SLC24A3: variants seen among roughly 807,000 people sequenced by gnomAD.
The protein encoded by SLC24A3 is solute carrier family 24 member 3.
SLC24A3 carries 28 observed loss-of-function variants against 75.8 expected under a neutral mutation model. The ratio of observed to expected loss-of-function variants is 0.37; its 90% CI spans 0.27 to 0.51. SLC24A3 has a LOEUF of 0.51. Among genes scored for constraint, SLC24A3 ranks in the 20% least tolerant of loss-of-function variants. The pLI is 0.94. For missense variants in SLC24A3, 663 were observed against 847.8 expected (o/e 0.78, Z 2.71); for synonymous variants, 372 against 334.1 (o/e 1.11, Z -1.24).
intron 2 of SLC24A3, among the ~76,000 whole-genome samples, chr20:19,381,150 ATATT>A (rs920496386): frequency 5.3e-5 from 8 of 152,328 alleles, no homozygotes; most frequent in African/African-American, 1.9e-4. Flanking sequence ...ATCTTTTAAA[ATATT>A]TATTCATTTA....
intron 2 of SLC24A3, among the ~76,000 whole-genome samples, chr20:19,403,082 C>T (rs1264919198): frequency 2.0e-5 from 3 of 152,154 alleles, no homozygotes; most frequent in Non-Finnish European, 4.4e-5. Context: ...TGTGAGATGT[C>T]GTGAAGGAGC....
intron 2 of SLC24A3, among the ~76,000 whole-genome samples, chr20:19,418,906 A>T (rs529451486): frequency 1.3e-5 from 2 of 152,314 alleles, no homozygotes; most frequent in Admixed American, 1.3e-4. Flanking sequence ...TGATTTGAGC[A>T]TCACTTAGAA....
chr20:19,351,383 G>C (rs939831568), intron 2 of SLC24A3, among the ~76,000 whole-genome samples: 5 of 152,162 alleles, frequency 3.3e-5, no homozygotes, highest in African/African-American at 1.2e-4. Context: ...GGGCTTAGCT[G>C]CTTTTCTCTA....
intron 2 of SLC24A3, among the ~76,000 whole-genome samples, chr20:19,506,509 A>G (rs1353839351): frequency 6.6e-6 from 1 of 152,214 alleles, no homozygotes; most frequent in African/African-American, 2.4e-5. Flanking sequence ...GTTGGACCCT[A>G]GTTTGATCTC....
intron 2 of SLC24A3, among the ~76,000 whole-genome samples, chr20:19,286,622 T>G (rs1431951514): frequency 6.6e-6 from 1 of 152,222 alleles, no homozygotes; most frequent in Non-Finnish European, 1.5e-5. Context: ...CCAACACCCG[T>G]GCAGTGCTCA....
chr20:19,421,906 C>T (rs1225303368), intron 2 of SLC24A3, among the ~76,000 whole-genome samples: 1 of 152,152 alleles, frequency 6.6e-6, no homozygotes, highest in Non-Finnish European at 1.5e-5. Context: ...CCAGGGAACT[C>T]TTCGCACCTG....
intron 6 of SLC24A3, among the ~76,000 whole-genome samples, chr20:19,644,214 A>G (rs1469112236): frequency 6.6e-6 from 1 of 152,094 alleles, no homozygotes; most frequent in Non-Finnish European, 1.5e-5. Flanking sequence ...TCGCGTCCAG[A>G]TCCCACTTCT....
Position 19,721,221 on chromosome 20 carries a change from C to T in SLC24A3, c.*81C>T. On this transcript the variant is annotated 3_prime_UTR_variant, in exon 17 of 17. Transcript: ENST00000328041. ...GGCCGCACCCCGAGTCACACAGGCC[C>T]CCGGGGCCACGGCGTTCGTCTCTCC... is the stretch of plus-strand genomic sequence containing the variant. 1.3e-6 allele frequency: 2 copies of T among 1,558,870 alleles called. No individual in the cohort carries two copies. Among genetic ancestry groups the T allele is most frequent in the South Asian group, 2.4e-5 (2 of 83,664 alleles).
chr20:19,494,186 T>G (rs1988248088), intron 2 of SLC24A3, among the ~76,000 whole-genome samples: 1 of 152,224 alleles, frequency 6.6e-6, no homozygotes, highest in African/African-American at 2.4e-5. Flanking sequence ...ACTTAGACCC[T>G]GGGTTTGCCC....
rs760255085 is a variant in SLC24A3 at position 19,212,907 on chromosome 20, T to A, written c.65T>A (p.Leu22His). 7.4e-7 allele frequency: 1 copy of A among 1,343,704 alleles called. No homozygotes were observed. The highest frequency in any genetic ancestry group is 9.6e-7 in the Non-Finnish European group (1 of 1,043,302). The allele number at this position is 1,343,704 out of a possible 1,614,324, so 83.2% of individuals were successfully genotyped here. ...RRRRRRRRRD[L>H]LLSQLCFLAS... Reference sequence around the variant, plus strand: ...CGCCGCCGCCGCCGCCGGAGGGACCTTCTGCTGAGCCAGCTCTGCTTCCTG... The same window carrying A: ...CGCCGCCGCCGCCGCCGGAGGGACCATCTGCTGAGCCAGCTCTGCTTCCTG... Residue 22 changes from leucine to histidine, a missense_variant, in exon 1 of 17, where the codon CTT becomes CAT. Coordinates refer to ENST00000328041, the MANE Select transcript of SLC24A3 (RefSeq NM_020689.4).
intron 2 of SLC24A3, among the ~76,000 whole-genome samples, chr20:19,472,737 T>C (rs1987895662): frequency 6.6e-6 from 1 of 152,224 alleles, no homozygotes; most frequent in Non-Finnish European, 1.5e-5. Context: ...AACGGGATTG[T>C]GGACGTCCCC....
intron 2 of SLC24A3, among the ~76,000 whole-genome samples, chr20:19,433,430 C>A (rs12624937): frequency 0.024 from 3,703 of 152,286 alleles, 135 homozygotes; most frequent in East Asian, 0.1. Flanking sequence ...AAACTCAGGT[C>A]ACCTTAGGTA....
intron 2 of SLC24A3, among the ~76,000 whole-genome samples, chr20:19,503,913 C>A (rs1386739009): frequency 6.6e-6 from 1 of 152,156 alleles, no homozygotes; most frequent in Admixed American, 6.5e-5. Flanking sequence ...GCAGATCAAA[C>A]AAAATGATAT....
At chr20:19,412,093 T>C (rs1258864678) in intron 2 of SLC24A3, among the ~76,000 whole-genome samples, 1 of 152,218 alleles carries the variant, frequency 6.6e-6, no homozygotes, top group African/African-American at 2.4e-5. Flanking sequence ...TTATTGAGTA[T>C]ACCACTAGGC....
chr20:19,470,568 A>G (rs906972005), intron 2 of SLC24A3, among the ~76,000 whole-genome samples: 1 of 152,138 alleles, frequency 6.6e-6, no homozygotes, highest in African/African-American at 2.4e-5. Flanking sequence ...TCCTTTGCAC[A>G]TACACTCGGG....
At chr20:19,362,424 C>T (rs915232996) in intron 2 of SLC24A3, among the ~76,000 whole-genome samples, 4 of 152,090 alleles carry the variant, frequency 2.6e-5, no homozygotes, top group African/African-American at 2.4e-5. Flanking sequence ...AGCGCTTTTT[C>T]GTGACAAGTG....
chr20:19,692,962 C>T (rs964454768), intron 12 of SLC24A3, among the ~76,000 whole-genome samples: 1 of 152,084 alleles, frequency 6.6e-6, no homozygotes, highest in African/African-American at 2.4e-5. Flanking sequence ...TCCCACCTGG[C>T]CATCTGCCAA....
At chr20:19,447,013 G>T (rs1987398749) in intron 2 of SLC24A3, among the ~76,000 whole-genome samples, 1 of 152,130 alleles carries the variant, frequency 6.6e-6, no homozygotes, top group Admixed American at 6.5e-5. Flanking sequence ...CCACTTTATG[G>T]ATCCCACAAA....
chr20:19,376,920 G>T (rs1600454672), intron 2 of SLC24A3, among the ~76,000 whole-genome samples: 1 of 152,310 alleles, frequency 6.6e-6, no homozygotes, highest in African/African-American at 2.4e-5. Flanking sequence ...AAAGTGCCAG[G>T]TGCAGGCATT....
Sources: allele counts gnomAD v4.1 joint callset (sites outside exome capture counted in the v4.1 genomes callset), GRCh38; gene constraint gnomAD v4.1.1; transcripts MANE v1.5; gene names NCBI Gene and HGNC (gene_info 2026-07-23, HGNC 2026-07-21).